GRIA3: variants seen among roughly 807,000 people sequenced by gnomAD.
The protein encoded by GRIA3 is glutamate receptor 3.
In GRIA3, 3 loss-of-function variants were observed where a neutral mutation model predicts 63.0. The observed-to-expected ratio is 0.05, with a 90% confidence interval of 0.02 to 0.12. The LOEUF (loss-of-function observed/expected upper bound fraction) is 0.12, where lower values mean the gene tolerates loss of function less well. Ranked by LOEUF, GRIA3 falls within the 10% of genes least tolerant of loss-of-function variation. The pLI is 1.00. For missense variants in GRIA3, 347 were observed against 700.9 expected, an observed-to-expected ratio of 0.50 and a Z score of 5.70; for synonymous variants, 274 against 257.9, an observed-to-expected ratio of 1.06 and a Z score of -0.60.
intron 2 of GRIA3, among the ~76,000 whole-genome samples, chrX:123,246,986 T>C (rs760842355): frequency 9.0e-6 from 1 of 110,873 alleles, no homozygotes; most frequent in Non-Finnish European, 1.9e-5. Context: ...CAATTACTAA[T>C]ACCACAGCTT....
chrX:123,339,723 T>C (rs909701139), intron 4 of GRIA3, among the ~76,000 whole-genome samples: 1 of 112,399 alleles, frequency 8.9e-6, no homozygotes, highest in Non-Finnish European at 1.9e-5. Context: ...CAATCCCCAC[T>C]TATGTGTCAG....
chrX:123,184,430 AG>A lies in GRIA3; in HGVS notation c.-102del, dbSNP rs1353337180. ...AGGAAGAGTGAGCGAGAGCAAGTTA[AG>A]GGGAGGGGGTGTAAGAGCCAGCGAA... On this transcript the variant is annotated 5_prime_UTR_variant, in exon 1 of 16. Transcript: ENST00000620443. 1 of 631,736 alleles carries A rather than the reference AG, an allele frequency of 1.6e-6. No homozygotes were observed. The highest frequency in any genetic ancestry group is 2.3e-5 in the Admixed American group (1 of 43,793). 52.1% of individuals were successfully genotyped at this position (631,736 alleles called of 1,213,427 possible).
chrX:123,262,111 T>C (rs1221019619), intron 3 of GRIA3, among the ~76,000 whole-genome samples: 3 of 111,897 alleles, frequency 2.7e-5, no homozygotes, highest in South Asian at 3.8e-4. Context: ...GACAGCGGTA[T>C]AGACCTGCAA....
chrX:123,204,588 G>A (rs1927835315), intron 2 of GRIA3: 2 of 1,130,082 alleles, frequency 1.8e-6, no homozygotes, highest in Admixed American at 5.8e-5. Flanking sequence ...CTACCCTCTG[G>A]AGATAAAATA....
intron 3 of GRIA3, among the ~76,000 whole-genome samples, chrX:123,303,226 C>G (rs750023561): frequency 6.5e-4 from 72 of 111,044 alleles, no homozygotes; most frequent in African/African-American, 2.3e-3. Context: ...ACTAACCAAA[C>G]AAGTCATAAA....
chrX:123,443,112 T>C (rs2045685264), intron 12 of GRIA3, among the ~76,000 whole-genome samples: 2 of 111,687 alleles, frequency 1.8e-5, no homozygotes, highest in South Asian at 7.6e-4. Flanking sequence ...ACTGTCGCAT[T>C]GATGCTTTGC....
intron 3 of GRIA3, among the ~76,000 whole-genome samples, chrX:123,274,225 A>C (rs1233112088): frequency 5.3e-5 from 6 of 112,491 alleles, no homozygotes; most frequent in African/African-American, 1.6e-4. Context: ...TGAAATTCAA[A>C]TTTACTGTGT....
At chrX:123,296,041 A>AT (rs2044683490) in intron 3 of GRIA3, among the ~76,000 whole-genome samples, 2 of 111,348 alleles carry the variant, frequency 1.8e-5, no homozygotes, top group African/African-American at 3.3e-5. Flanking sequence ...AGTTTGAAGA[A>AT]TTTTTTATTT....
At chrX:123,338,212 C>A (rs1006600161) in intron 4 of GRIA3, among the ~76,000 whole-genome samples, 14 of 112,332 alleles carry the variant, frequency 1.2e-4, no homozygotes, top group Admixed American at 1.2e-3. Context: ...GTGTTTCCTT[C>A]CCAGATTGTG....
chrX:123,194,983 T>A (rs908147775), intron 2 of GRIA3, among the ~76,000 whole-genome samples: 1 of 112,817 alleles, frequency 8.9e-6, no homozygotes, highest in Non-Finnish European at 1.9e-5. Context: ...TAAAACAGAA[T>A]GCTCTTTGAG....
intron 12 of GRIA3, among the ~76,000 whole-genome samples, chrX:123,449,378 T>C (rs2045718832): frequency 8.9e-6 from 1 of 112,441 alleles, no homozygotes; most frequent in Non-Finnish European, 1.9e-5. Flanking sequence ...ATGGAGACCA[T>C]TGCCTTGACC....
chrX:123,185,522 T>TA (rs1171768492), intron 1 of GRIA3, among the ~76,000 whole-genome samples: 13 of 101,489 alleles, frequency 1.3e-4, no homozygotes, highest in South Asian at 5.0e-4. Flanking sequence ...GGGGGGCGAC[T>TA]AAAAAAAAAG....
chrX:123,403,827 G>T (rs922070125), intron 9 of GRIA3, among the ~76,000 whole-genome samples: 6 of 111,468 alleles, frequency 5.4e-5, no homozygotes, highest in African/African-American at 1.6e-4. Flanking sequence ...TCTTCATTGT[G>T]GGGGAAGCAG....
Position 123,476,719 on chromosome X carries a change from C to A in GRIA3, c.2325-3344C>A, listed in dbSNP as rs191415812. Among the ~76,000 whole-genome samples the A allele has an allele frequency of 1.1e-3, 126 of 110,874 alleles. 1 individual carries two copies. Among genetic ancestry groups the A allele is most frequent in the Non-Finnish European group, 2.1e-3 (110 of 52,981 alleles). ...TTGGTTCCCTGCCAGGTTTCATAAA[C>A]CCTGTGATTATTTTTCCGATCCAAG... is the stretch of plus-strand genomic sequence containing the variant. On this transcript the variant is annotated intron_variant, in intron 13 of 15. Coordinates refer to ENST00000620443, the MANE Select transcript of GRIA3 (RefSeq NM_007325.5).
intron 2 of GRIA3, among the ~76,000 whole-genome samples, chrX:123,229,181 G>A (rs770839377): frequency 1.1e-4 from 12 of 111,308 alleles, no homozygotes; most frequent in Non-Finnish European, 2.3e-4. Context: ...GAGGCCAGCA[G>A]TGTACTCAAG....
intron 11 of GRIA3, among the ~76,000 whole-genome samples, chrX:123,421,824 G>T (rs916506652): frequency 3.6e-5 from 4 of 111,777 alleles, no homozygotes; most frequent in Middle Eastern, 4.7e-3. Context: ...GTTGAAGAAG[G>T]TGATAGTCAG....
At chrX:123,276,715 A>G (rs1017596454) in intron 3 of GRIA3, among the ~76,000 whole-genome samples, 2 of 111,454 alleles carry the variant, frequency 1.8e-5, no homozygotes, top group African/African-American at 6.5e-5. Context: ...CTTAGTCTTT[A>G]CATAATCCCC....
chrX:123,329,077 C>T (rs2044924298), intron 4 of GRIA3, among the ~76,000 whole-genome samples: 1 of 111,290 alleles, frequency 9.0e-6, no homozygotes, highest in East Asian at 2.8e-4. Context: ...ATTTATAATC[C>T]AATCAGTATT....
At position 123,398,641 on chromosome X, in the gene GRIA3, A is replaced by G. The variant is rs376627242; in HGVS notation, c.918A>G (p.Thr306=). The part of the protein sequence containing the change: ...PEAKNAPLKY[T]SALTHDAILV... ...TTTTCATGCATCCATTTCAGTATAC[A>G]TCTGCATTGACACACGACGCAATAC... Residue 306 remains threonine, a synonymous_variant, in exon 7 of 16, where the codon ACA becomes ACG. Transcript: ENST00000620443. The G allele has an allele frequency of 1.0e-5, 12 of 1,202,725 alleles. No homozygotes were observed. The highest frequency in any genetic ancestry group is 1.8e-5 in the South Asian group (1 of 56,652).
Sources: allele counts gnomAD v4.1 joint callset (sites outside exome capture counted in the v4.1 genomes callset), GRCh38; gene constraint gnomAD v4.1.1; transcripts MANE v1.5; gene names NCBI Gene and HGNC (gene_info 2026-07-23, HGNC 2026-07-21).